FGGY: variants seen among roughly 807,000 people sequenced by gnomAD.
FGGY encodes FGGY carbohydrate kinase domain containing.
A neutral mutation model predicts 71.3 loss-of-function variants in FGGY; 72 were observed. The observed-to-expected ratio is 1.01, with a 90% confidence interval of 0.84 to 1.23. The LOEUF is 1.23. Among genes scored for constraint, FGGY ranks in the 50% most tolerant of loss-of-function variants. The pLI, the probability that FGGY is intolerant of heterozygous loss-of-function variation, is 0.00. For synonymous variants in FGGY, 251 were observed against 250.3 expected (o/e 1.00, Z -0.02); for missense variants, 668 against 682.3 (o/e 0.98, Z 0.23).
chr1:59,506,737 T>A (rs964559142), intron 6 of FGGY, among the ~76,000 whole-genome samples: 2 of 152,088 alleles, frequency 1.3e-5, no homozygotes, highest in Admixed American at 6.5e-5. Context: ...AGGCAGAGGT[T>A]GTAGTGAGCT....
chr1:59,352,652 T>C (rs2053532873), intron 4 of FGGY, among the ~76,000 whole-genome samples: 1 of 152,186 alleles, frequency 6.6e-6, no homozygotes, highest in African/African-American at 2.4e-5. Flanking sequence ...TCCTGCTAGC[T>C]GTGGAAGCTG....
chr1:59,675,898 T>A (rs2097430808), intron 14 of FGGY, among the ~76,000 whole-genome samples: 1 of 152,048 alleles, frequency 6.6e-6, no homozygotes, highest in African/African-American at 2.4e-5. Context: ...TTAGATGAAA[T>A]CATGAGGGCA....
chr1:59,410,114 G>A (rs1411729571), intron 5 of FGGY, among the ~76,000 whole-genome samples: 1 of 152,160 alleles, frequency 6.6e-6, no homozygotes. Context: ...TAGATATGTG[G>A]CAATCAATGC....
intron 5 of FGGY, among the ~76,000 whole-genome samples, chr1:59,408,595 T>C (rs2063121426): frequency 6.6e-6 from 1 of 152,358 alleles, no homozygotes. Flanking sequence ...TAAATATATA[T>C]GTATATGCAG....
At chr1:59,743,047 A>C (rs2098163868) in intron 14 of FGGY, among the ~76,000 whole-genome samples, 1 of 152,122 alleles carries the variant, frequency 6.6e-6, no homozygotes, top group Admixed American at 6.5e-5. Context: ...ATAACTCAAA[A>C]CCTTTTAACA....
chr1:59,441,216 C>T (rs1389775539), intron 5 of FGGY, among the ~76,000 whole-genome samples: 1 of 152,160 alleles, frequency 6.6e-6, no homozygotes, highest in East Asian at 1.9e-4. Flanking sequence ...CAGTGCCATG[C>T]TGAGTGCTTG....
chr1:59,682,640 T>C (rs2153989012), intron 14 of FGGY, among the ~76,000 whole-genome samples: 1 of 152,304 alleles, frequency 6.6e-6, no homozygotes, highest in East Asian at 1.9e-4. Flanking sequence ...CTCTCTAATC[T>C]CCTGCCTGCC....
Position 59,383,092 on chromosome 1 carries a change from A to T in FGGY, c.554+4255A>T, listed in dbSNP as rs1195299622. Among the ~76,000 whole-genome samples, 59 of 152,292 alleles carry T rather than the reference A, an allele frequency of 3.9e-4. No individual in the cohort carries two copies. The East Asian group carries it at 9.3e-3, about 24-fold the overall frequency. On this transcript the variant is annotated intron_variant, in intron 5 of 15. Coordinates refer to ENST00000303721, the MANE Select transcript of FGGY (RefSeq NM_018291.5). Reference sequence around the variant, plus strand: ...TTTGATTGTCACTCTTTTTGTCTATAGCATGGAGATTGTTATACCTATTTT... The same window carrying T: ...TTTGATTGTCACTCTTTTTGTCTATTGCATGGAGATTGTTATACCTATTTT...
intron 6 of FGGY, among the ~76,000 whole-genome samples, chr1:59,491,041 T>C (rs867986277): frequency 3.2e-3 from 2 of 622 alleles, no homozygotes; most frequent in Non-Finnish European, 7.9e-3. Flanking sequence ...TTCCTTTCCT[T>C]CCTTCCTTCC....
At chr1:59,500,663 CAAAAAAAAAA>C (rs922111998) in intron 6 of FGGY, among the ~76,000 whole-genome samples, 4 of 44,774 alleles carry the variant, frequency 8.9e-5, no homozygotes, top group Admixed American at 8.9e-4. Context: ...GCCTTCTTGC[CAAAAAAAAAA>C]AAAAAAAAAA....
Position 59,739,789 on chromosome 1 carries a change from A to G in FGGY, c.1513-18142A>G, listed in dbSNP as rs184068964. Reference sequence around the variant, plus strand: ...CTTTAGCAAAGCTTAATCCAGGATGAATTCAGCTTTGTGGACACTATAAAT... The same window carrying G: ...CTTTAGCAAAGCTTAATCCAGGATGGATTCAGCTTTGTGGACACTATAAAT... On this transcript the variant is annotated intron_variant, in intron 14 of 15. Coordinates refer to ENST00000303721, the MANE Select transcript of FGGY (RefSeq NM_018291.5). 1.9e-3 allele frequency among the ~76,000 whole-genome samples: 292 copies of G among 152,284 alleles called. 2 individuals are homozygous for G. The highest frequency in any genetic ancestry group is 6.7e-3 in the African/African-American group (277 of 41,564).
chr1:59,671,731 C>T (rs1253131771), intron 13 of FGGY, among the ~76,000 whole-genome samples: 1 of 152,194 alleles, frequency 6.6e-6, no homozygotes, highest in East Asian at 1.9e-4. Context: ...TTAATTCTCA[C>T]AGCAACTCTA....
At chr1:59,417,056 A>G (rs2064576577) in intron 5 of FGGY, among the ~76,000 whole-genome samples, 1 of 152,224 alleles carries the variant, frequency 6.6e-6, no homozygotes. Flanking sequence ...ATACCCCAGT[A>G]TCCGATTCCA....
intron 5 of FGGY, among the ~76,000 whole-genome samples, chr1:59,431,655 C>T (rs892627449): frequency 1.3e-5 from 2 of 152,162 alleles, no homozygotes; most frequent in African/African-American, 4.8e-5. Context: ...GGCTTTCAAC[C>T]ACAGCTTCCT....
At chr1:59,409,024 C>T (rs917344608) in intron 5 of FGGY, among the ~76,000 whole-genome samples, 1 of 152,160 alleles carries the variant, frequency 6.6e-6, no homozygotes, top group Admixed American at 6.5e-5. Context: ...AACCTAAGTT[C>T]TTTTTCAAAT....
chr1:59,526,818 G>C (rs963399892), intron 7 of FGGY, among the ~76,000 whole-genome samples: 1 of 152,164 alleles, frequency 6.6e-6, no homozygotes, highest in African/African-American at 2.4e-5. Flanking sequence ...AGACTGCCTG[G>C]GTTCAAACCC....
intron 9 of FGGY, among the ~76,000 whole-genome samples, chr1:59,617,597 C>T (rs1419209973): frequency 6.6e-6 from 1 of 152,052 alleles, no homozygotes; most frequent in Non-Finnish European, 1.5e-5. Flanking sequence ...TGCAAAAAAG[C>T]ATTGCTTTTT....
At position 59,402,451 on chromosome 1, in the gene FGGY, A is replaced by G. The variant is rs144675379; in HGVS notation, c.554+23614A>G. On this transcript the variant is annotated intron_variant, in intron 5 of 15. Transcript: ENST00000303721. Reference sequence around the variant, plus strand: ...TATTTGACCTCTGCTAATTATCAGCAGTGTGATAGTAGGCGTGTCATCTGA... The same window carrying G: ...TATTTGACCTCTGCTAATTATCAGCGGTGTGATAGTAGGCGTGTCATCTGA... 1.6e-3 allele frequency among the ~76,000 whole-genome samples: 247 copies of G among 152,342 alleles called. 1 individual carries two copies. The highest frequency in any genetic ancestry group is 5.6e-3 in the African/African-American group (231 of 41,586).
intron 14 of FGGY, among the ~76,000 whole-genome samples, chr1:59,683,695 G>T (rs556465839): frequency 6.6e-6 from 1 of 152,244 alleles, no homozygotes; most frequent in South Asian, 2.1e-4. Context: ...TTATTAATTG[G>T]CTGGGCAAAA....
Sources: allele counts gnomAD v4.1 joint callset (sites outside exome capture counted in the v4.1 genomes callset), GRCh38; gene constraint gnomAD v4.1.1; transcripts MANE v1.5; gene names NCBI Gene and HGNC (gene_info 2026-07-23, HGNC 2026-07-21).